CLCC1: variants seen among roughly 807,000 people sequenced by gnomAD.
The protein encoded by CLCC1 is chloride channel CLIC like 1.
A neutral mutation model predicts 63.3 loss-of-function variants in CLCC1; 39 were observed. The observed-to-expected ratio is 0.62, with a 90% CI of 0.48 to 0.81. The LOEUF is 0.81. Ranked by LOEUF, CLCC1 falls within the 30% of genes least tolerant of loss-of-function variation. CLCC1 has a pLI of 0.00. For synonymous variants in CLCC1, 217 were observed against 239.8 expected (o/e 0.90, Z 0.88); for missense variants, 549 against 669.4 (o/e 0.82, Z 1.98).
At chr1:108,947,389 A>T (rs1010288922) in intron 5 of CLCC1, among the ~76,000 whole-genome samples, 1 of 152,190 alleles carries the variant, frequency 6.6e-6, no homozygotes, top group African/African-American at 2.4e-5. Context: ...AATCCATACA[A>T]ACTAGAGGAG....
intron 10 of CLCC1, among the ~76,000 whole-genome samples, chr1:108,938,285 C>T (rs963692561): frequency 2.0e-5 from 3 of 152,088 alleles, no homozygotes; most frequent in African/African-American, 7.2e-5. Context: ...ACAAAAGCAG[C>T]AAAAGTCAAA....
At chr1:108,960,140 A>AAAAC (rs993092055) in intron 2 of CLCC1, among the ~76,000 whole-genome samples, 3 of 152,214 alleles carry the variant, frequency 2.0e-5, no homozygotes, top group Non-Finnish European at 1.5e-5. Flanking sequence ...ACTCAATTAA[A>AAAAC]AAACAAACAA....
Position 108,963,482 on chromosome 1 carries a change from T to C in CLCC1, c.-294A>G. 3 of 701,788 alleles carry C rather than the reference T, an allele frequency of 4.3e-6. No homozygotes were observed. The highest frequency in any genetic ancestry group is 7.8e-6 in the Non-Finnish European group (3 of 384,338). 43.5% of individuals were successfully genotyped at this position (701,788 alleles called of 1,614,324 possible). A position where few individuals can be genotyped will look rare whatever the true frequency, so the allele number is the denominator to read the frequency against. On this transcript the variant is annotated 5_prime_UTR_variant, in exon 1 of 13. Transcript: ENST00000369969. ...CTTCCTGGGCCTCGTCATCGAATTGTTCGGCTGACGGCTGCGTGTCCCTCC... is the reference window on the plus strand; with the variant it reads ...CTTCCTGGGCCTCGTCATCGAATTGCTCGGCTGACGGCTGCGTGTCCCTCC...
intron 4 of CLCC1, 28 bp downstream of exon 4, chr1:108,949,792 T>C (rs1265232633): frequency 6.8e-6 from 8 of 1,181,380 alleles, no homozygotes; most frequent in Non-Finnish European, 9.6e-6. Context: ...AATATAAAAA[T>C]ATAAAATTTA....
At chr1:108,952,642 C>T (rs7517602) in intron 2 of CLCC1, among the ~76,000 whole-genome samples, 1 of 151,726 alleles carries the variant, frequency 6.6e-6, no homozygotes, top group Non-Finnish European at 1.5e-5. Flanking sequence ...CTACTAAAAA[C>T]ACAAAAACTC....
intron 5 of CLCC1, among the ~76,000 whole-genome samples, chr1:108,944,784 T>C (rs1258005821): frequency 2.6e-5 from 4 of 152,098 alleles, no homozygotes; most frequent in Non-Finnish European, 2.9e-5. Flanking sequence ...TGCCCGCCAC[T>C]ACGCCTGGCT....
chr1:108,962,016 G>C (rs989420779), intron 2 of CLCC1, among the ~76,000 whole-genome samples: 1 of 152,184 alleles, frequency 6.6e-6, no homozygotes, highest in Non-Finnish European at 1.5e-5. Context: ...AAGCTAGTAA[G>C]TGGTAGAACC....
intron 2 of CLCC1, among the ~76,000 whole-genome samples, chr1:108,956,718 C>A (rs1268425519): frequency 1.3e-5 from 2 of 149,770 alleles, no homozygotes; most frequent in Non-Finnish European, 2.9e-5. Flanking sequence ...CAGATAACCA[C>A]AAGAACATTT....
Position 108,932,465 on chromosome 1 carries a change from C to CTAG in CLCC1, c.*79_*81dup, listed in dbSNP as rs1278805304. ...TCAACAACAGTTGCATGTCGCCTTG[C>CTAG]TAGCTGTCAAAGTAGACTTCATCCC... is the stretch of plus-strand genomic sequence containing the variant. On this transcript the variant is annotated 3_prime_UTR_variant, in exon 13 of 13. Transcript: ENST00000369969. 1 of 152,138 alleles carries CTAG rather than the reference C, an allele frequency of 6.6e-6. No individual in the cohort carries two copies. Among genetic ancestry groups the CTAG allele is most frequent in the African/African-American group, 2.4e-5 (1 of 41,420 alleles). 9.4% of individuals were successfully genotyped at this position (152,138 alleles called of 1,614,324 possible).
At chr1:108,938,308 C>T (rs1653318086) in intron 10 of CLCC1, among the ~76,000 whole-genome samples, 1 of 152,148 alleles carries the variant, frequency 6.6e-6, no homozygotes, top group Non-Finnish European at 1.5e-5. Flanking sequence ...GCATAACTTT[C>T]CTGAGGGAGC....
intron 5 of CLCC1, among the ~76,000 whole-genome samples, chr1:108,947,392 T>C (rs528830703): frequency 6.6e-6 from 1 of 152,228 alleles, no homozygotes; most frequent in African/African-American, 2.4e-5. Flanking sequence ...CCATACAAAC[T>C]AGAGGAGAAA....
intron 2 of CLCC1, among the ~76,000 whole-genome samples, chr1:108,951,823 C>A (rs12057316): frequency 0.11 from 15,834 of 147,034 alleles, 986 homozygotes; most frequent in African/African-American, 0.15. Flanking sequence ...GGCTGGAGTG[C>A]AGTGGCACAA....
intron 2 of CLCC1, among the ~76,000 whole-genome samples, chr1:108,952,742 G>A (rs1473372380): frequency 6.6e-6 from 1 of 151,624 alleles, no homozygotes; most frequent in African/African-American, 2.4e-5. Context: ...AGAGGTTGCA[G>A]TGAGCTGAGA....
intron 2 of CLCC1, 90 bp from the exon 3 acceptor site, chr1:108,950,538 T>G (rs1655058082): frequency 6.8e-6 from 5 of 734,132 alleles, no homozygotes; most frequent in Non-Finnish European, 9.3e-6. Flanking sequence ...TTATTATTTT[T>G]AGAGACAGGG....
chr1:108,953,570 C>T (rs1425272008), intron 2 of CLCC1, among the ~76,000 whole-genome samples: 5 of 152,212 alleles, frequency 3.3e-5, no homozygotes, highest in Non-Finnish European at 7.3e-5. Flanking sequence ...TCCCACTGGC[C>T]TCTCTATCTT....
Position 108,944,087 on chromosome 1 carries a change from T to C in CLCC1, c.340-30A>G, listed in dbSNP as rs143260961. The C allele has an allele frequency of 5.4e-6, 8 of 1,488,618 alleles. No individual in the cohort carries two copies. The African/African-American group carries it at 8.5e-5, about 16-fold the overall frequency. The allele number at this position is 1,488,618 out of a possible 1,614,324, so 92.2% of individuals were successfully genotyped here. A position where few individuals can be genotyped will look rare whatever the true frequency, so the allele number is the denominator to read the frequency against. On this transcript the variant is annotated intron_variant, in intron 5 of 12. Transcript: ENST00000369969. Reference sequence around the variant, plus strand: ...ATTAAATTTACCAAAAAACAAACAATAGAAAGAGAATTTTATTACTACTTG... The same window carrying C: ...ATTAAATTTACCAAAAAACAAACAACAGAAAGAGAATTTTATTACTACTTG...
chr1:108,957,700 A>G (rs958330957), intron 2 of CLCC1, among the ~76,000 whole-genome samples: 1 of 151,440 alleles, frequency 6.6e-6, no homozygotes, highest in Non-Finnish European at 1.5e-5. Context: ...ACTGAAGAAG[A>G]CTGCAAGTTC....
chr1:108,948,203 T>C (rs1654782001), intron 4 of CLCC1, among the ~76,000 whole-genome samples: 1 of 152,208 alleles, frequency 6.6e-6, no homozygotes. Context: ...TCAATGTGCA[T>C]ATGACTTTTG....
At chr1:108,947,743 ATTAG>A (rs1218958336) in intron 4 of CLCC1, 25 bp from the exon 5 acceptor site, 2 of 1,462,316 alleles carry the variant, frequency 1.4e-6, no homozygotes, top group Non-Finnish European at 1.9e-6. Context: ...TCAATTCAAC[ATTAG>A]TTAGAGTCAA....
Sources: gnomAD v4.1 joint callset for allele counts (sites outside exome capture counted in the v4.1 genomes callset) on GRCh38, gnomAD v4.1.1 for gene constraint, MANE v1.5 for transcripts, NCBI Gene and HGNC (gene_info 2026-07-23, HGNC 2026-07-21) for gene names.